Variants in COL4A6 observed in about 807,000 individuals in gnomAD.
The protein encoded by COL4A6 is collagen alpha-6(IV) chain.
In COL4A6, 59 loss-of-function variants were observed where a neutral mutation model predicts 126.7. The ratio of observed to expected loss-of-function variants is 0.47; its 90% CI spans 0.38 to 0.58. COL4A6 has a LOEUF of 0.58. Among genes scored for constraint, COL4A6 ranks in the 20% least tolerant of loss-of-function variants. The pLI, the probability that COL4A6 is intolerant of heterozygous loss-of-function variation, is 0.00. For synonymous variants in COL4A6, 547 were observed against 496.6 expected (o/e 1.10, Z -1.35); for missense variants, 1,285 against 1,337.3 (o/e 0.96, Z 0.61).
chrX:108,179,523 A>C, intron 25 of COL4A6, 85 bp from the exon 26 acceptor site: 1 of 725,329 alleles, frequency 1.4e-6, no homozygotes. Flanking sequence ...AGATTTTTCT[A>C]ATATGAAAGC....
At chrX:108,178,523 T>C (rs1473711586) in intron 27 of COL4A6, among the ~76,000 whole-genome samples, 161 bp downstream of exon 27, 1 of 112,620 alleles carries the variant, frequency 8.9e-6, no homozygotes, top group East Asian at 2.8e-4. Flanking sequence ...TGCTTGGTAC[T>C]GCAAGGGTGA....
chrX:108,210,645 TA>T (rs2035676464), intron 7 of COL4A6, among the ~76,000 whole-genome samples: 1 of 112,053 alleles, frequency 8.9e-6, no homozygotes, highest in African/African-American at 3.2e-5. Context: ...TGGCTTACAG[TA>T]AAAAATCAGC....
At chrX:108,433,227 G>A (rs759803767) in intron 2 of COL4A6, among the ~76,000 whole-genome samples, 23 of 112,162 alleles carry the variant, frequency 2.1e-4, no homozygotes, top group Admixed American at 3.8e-4. Context: ...GAAAGGGATA[G>A]ATTAAAGAAA....
At chrX:108,331,915 CA>C (rs1438317581) in intron 2 of COL4A6, among the ~76,000 whole-genome samples, 3 of 111,105 alleles carry the variant, frequency 2.7e-5, no homozygotes, top group Non-Finnish European at 5.7e-5. Context: ...TGTTGAGTAG[CA>C]GTGAAGTCTG....
At chrX:108,371,064 C>T (rs1245753309) in intron 2 of COL4A6, among the ~76,000 whole-genome samples, 4 of 110,172 alleles carry the variant, frequency 3.6e-5, no homozygotes, top group African/African-American at 1.3e-4. Context: ...AGTTTCTCCT[C>T]CATGCTTTCC....
At chrX:108,318,242 C>T (rs1422832715) in intron 2 of COL4A6, among the ~76,000 whole-genome samples, 7 of 111,444 alleles carry the variant, frequency 6.3e-5, no homozygotes, top group African/African-American at 2.3e-4. Flanking sequence ...TAAGAGCTAT[C>T]TATGACAAAC....
intron 2 of COL4A6, among the ~76,000 whole-genome samples, chrX:108,352,641 A>G (rs780655425): frequency 8.9e-6 from 1 of 112,638 alleles, no homozygotes; most frequent in African/African-American, 3.2e-5. Flanking sequence ...TCTATGGAAC[A>G]TCAACTTCAT....
At chrX:108,398,621 T>C (rs2041018451) in intron 2 of COL4A6, among the ~76,000 whole-genome samples, 1 of 111,269 alleles carries the variant, frequency 9.0e-6, no homozygotes, top group Admixed American at 9.6e-5. Flanking sequence ...ATGGATGTTC[T>C]ACTTCAATGA....
intron 3 of COL4A6, among the ~76,000 whole-genome samples, chrX:108,226,205 C>T (rs2036162141): frequency 8.9e-6 from 1 of 112,526 alleles, no homozygotes; most frequent in African/African-American, 3.2e-5. Flanking sequence ...TGAGTTAATA[C>T]ATATAAAACA....
intron 3 of COL4A6, among the ~76,000 whole-genome samples, chrX:108,298,357 G>A (rs767910506): frequency 1.8e-5 from 2 of 112,764 alleles, no homozygotes; most frequent in African/African-American, 6.4e-5. Flanking sequence ...TTGGTGGGGC[G>A]GCGGGTCAGA....
chrX:108,165,091 C>T (rs1012628704), intron 38 of COL4A6, 53 bp from the exon 39 acceptor site: 2 of 1,091,365 alleles, frequency 1.8e-6, no homozygotes, highest in African/African-American at 3.7e-5. Context: ...GTAGTAGCCA[C>T]TGCAGAAGGC....
intron 2 of COL4A6, among the ~76,000 whole-genome samples, chrX:108,375,212 A>G (rs1055638053): frequency 9.0e-6 from 1 of 111,526 alleles, no homozygotes; most frequent in East Asian, 2.8e-4. Flanking sequence ...AGATTTTTCA[A>G]TCATTTTGAT....
chrX:108,219,975 C>T (rs2035972137), intron 4 of COL4A6, among the ~76,000 whole-genome samples: 2 of 110,294 alleles, frequency 1.8e-5, no homozygotes, highest in African/African-American at 3.3e-5. Flanking sequence ...GGAGTATAGT[C>T]GAGGTTTTAA....
At chrX:108,174,722 G>C (rs2034424976) in intron 30 of COL4A6, 101 bp from the exon 31 acceptor site, 4 of 723,002 alleles carry the variant, frequency 5.5e-6, no homozygotes, top group Admixed American at 7.2e-5. Flanking sequence ...TGCAGGCTCA[G>C]GGAGCAGTTA....
chrX:108,196,506 C>T lies in COL4A6; in HGVS notation c.903+5G>A, dbSNP rs1305905875. On this transcript the variant is annotated splice_donor_5th_base_variant and intron_variant, in intron 14 of 44. Coordinates refer to ENST00000334504, the MANE Select transcript of COL4A6 (RefSeq NM_033641.4). ...ACCCAGGCAAGTAACATTCGAGGTTCATACCCTAGGTCCTGGCAAACCAGG... is the reference window on the plus strand; with the variant it reads ...ACCCAGGCAAGTAACATTCGAGGTTTATACCCTAGGTCCTGGCAAACCAGG... 8.3e-7 allele frequency: 1 copy of T among 1,206,189 alleles called. No homozygotes were observed. The highest frequency in any genetic ancestry group is 1.1e-6 in the Non-Finnish European group (1 of 890,860).
At position 108,248,149 on chromosome X, in the gene COL4A6, A is replaced by G. The variant is rs761675161; in HGVS notation, c.145-26775T>C. 3.6e-5 allele frequency among the ~76,000 whole-genome samples: 4 copies of G among 111,307 alleles called. No individual in the cohort carries two copies. In the South Asian group the frequency reaches 1.5e-3, roughly 43 times the overall value. On this transcript the variant is annotated intron_variant, in intron 3 of 44. Coordinates refer to ENST00000334504, the MANE Select transcript of COL4A6 (RefSeq NM_033641.4). ...GGTATGAGAAGAAACTATCAGAACT[A>G]TTTTGTTCATTGTATTACATCATCC... is the stretch of plus-strand genomic sequence containing the variant.
intron 2 of COL4A6, among the ~76,000 whole-genome samples, chrX:108,392,259 A>T (rs1415874342): frequency 8.9e-6 from 1 of 111,760 alleles, no homozygotes; most frequent in African/African-American, 3.2e-5. Flanking sequence ...AAAAGAATAG[A>T]GTGGATTTTA....
intron 2 of COL4A6, among the ~76,000 whole-genome samples, chrX:108,401,532 C>T (rs1297620177): frequency 4.5e-5 from 5 of 110,417 alleles, no homozygotes; most frequent in Non-Finnish European, 9.5e-5. Flanking sequence ...AATATATACA[C>T]ATACATAAAA....
rs2034463205 is a variant in COL4A6 at position 108,175,735 on chromosome X, C to T, written c.2749G>A (p.Gly917Arg). Reference protein sequence around the residue: ...PGIPGLPGIPGTRGLKGIPGS... With the variant: ...PGIPGLPGIPRTRGLKGIPGS... Reference sequence around the variant, plus strand: ...GGAATTCCTTTTAATCCTCTTGTTCCAGGAATACCAGGCAGACCTGGTATT... The same window carrying T: ...GGAATTCCTTTTAATCCTCTTGTTCTAGGAATACCAGGCAGACCTGGTATT... The change falls in exon 29 of 45, where the codon GGA (glycine) becomes AGA (arginine). Residue 917 changes from glycine (G) to arginine (R), a missense_variant. Physicochemically the swap from Gly to Arg is moderately radical, Grantham distance 125. Transcript: ENST00000334504. 1.7e-6 allele frequency: 2 copies of T among 1,195,896 alleles called. No individual in the cohort carries two copies. Among genetic ancestry groups the T allele is most frequent in the East Asian group, 3.0e-5 (1 of 33,668 alleles).
Sources: gnomAD v4.1 joint callset for allele counts (sites outside exome capture counted in the v4.1 genomes callset) on GRCh38, gnomAD v4.1.1 for gene constraint, MANE v1.5 for transcripts, NCBI Gene and HGNC (gene_info 2026-07-23, HGNC 2026-07-21) for gene names.